Variants in SHPRH observed in about 807,000 individuals in gnomAD.
SHPRH encodes the protein E3 ubiquitin-protein ligase SHPRH.
SHPRH carries 106 observed loss-of-function variants against 202.5 expected under a neutral mutation model. The observed-to-expected ratio is 0.52, with a 90% confidence interval of 0.45 to 0.62. The LOEUF (loss-of-function observed/expected upper bound fraction) is 0.62, where lower values mean the gene tolerates loss of function less well. Among genes scored for constraint, SHPRH ranks in the 20% least tolerant of loss-of-function variants. SHPRH has a pLI of 0.00. For synonymous variants in SHPRH, 729 were observed against 686.0 expected, an observed-to-expected ratio of 1.06 and a Z score of -0.98; for missense variants, 1,710 against 2,020.0, an observed-to-expected ratio of 0.85 and a Z score of 2.94.
chr6:145,867,447 A>G lies in SHPRH; in HGVS notation c.222-2956T>C, dbSNP rs184979738. Among the ~76,000 whole-genome samples the G allele has an allele frequency of 3.5e-3, 535 of 151,464 alleles. 5 individuals are homozygous for G. Among genetic ancestry groups the G allele is most frequent in the African/African-American group, 0.012 (511 of 41,240 alleles). On this transcript the variant is annotated intron_variant, in intron 2 of 2. Transcript: ENST00000417762. ...AGATTATCCTGGATTAACCTGGTGGACCCTCCATGCAGTCACAGGTGTCAC... is the reference window on the plus strand; with the variant it reads ...AGATTATCCTGGATTAACCTGGTGGGCCCTCCATGCAGTCACAGGTGTCAC...
rs147357063 is a variant in SHPRH at position 145,886,549 on chromosome 6, G to A, written c.*142C>T. On this transcript the variant is annotated 3_prime_UTR_variant, in exon 30 of 30. Coordinates refer to ENST00000275233, the MANE Select transcript of SHPRH (RefSeq NM_001042683.3). Reference sequence around the variant, plus strand: ...AGGACTCAATAAGTACTAAGCCACTGTATAACCAGAACAATAAACAAATTC... The same window carrying A: ...AGGACTCAATAAGTACTAAGCCACTATATAACCAGAACAATAAACAAATTC... The A allele has an allele frequency of 4.2e-6, 6 of 1,443,652 alleles. No homozygotes were observed. The East Asian group carries it at 7.3e-5, about 17-fold the overall frequency. The allele number at this position is 1,443,652 out of a possible 1,614,324, so 89.4% of individuals were successfully genotyped here.
chr6:145,947,543 G>GA lies in SHPRH; in HGVS notation c.1161dup (p.Leu388SerfsTer45). 1 of 1,612,948 alleles carries GA rather than the reference G, an allele frequency of 6.2e-7. No individual in the cohort carries two copies. The highest frequency in any genetic ancestry group is 8.5e-7 in the Non-Finnish European group (1 of 1,179,316). On this transcript the variant is annotated frameshift_variant, in exon 6 of 30. Coordinates refer to ENST00000275233, the MANE Select transcript of SHPRH (RefSeq NM_001042683.3). LOFTEE classifies it high-confidence loss of function. ...TTGACATCTTGTCGAGTATGTGTCA[G>GA]AATCAGAGCCAAAACCTCCACTGTC... is the stretch of plus-strand genomic sequence containing the variant.
At chr6:145,924,150 T>C (rs1484600562) in intron 17 of SHPRH, among the ~76,000 whole-genome samples, 1 of 151,944 alleles carries the variant, frequency 6.6e-6, no homozygotes, top group Non-Finnish European at 1.5e-5. Context: ...AAAGCCTTCA[T>C]TCTAATCTTT....
At position 145,886,640 on chromosome 6, in the gene SHPRH, C is replaced by T. The variant is rs370550599; in HGVS notation, c.*51G>A. The stretch of plus-strand genomic sequence containing the variant: ...TAAAACTTGTAACTTTGCTCTACAG[C>T]TATGAAAGTTTATTAATACACTAAA... On this transcript the variant is annotated 3_prime_UTR_variant, in exon 30 of 30. Transcript: ENST00000275233. The T allele has an allele frequency of 6.3e-7, 1 of 1,599,390 alleles. No homozygotes were observed. Among genetic ancestry groups the T allele is most frequent in the Admixed American group, 1.8e-5 (1 of 56,894 alleles).
intron 11 of SHPRH, among the ~76,000 whole-genome samples, chr6:145,938,486 A>G (rs1014154301): frequency 4.6e-5 from 7 of 152,320 alleles, no homozygotes; most frequent in African/African-American, 1.4e-4. Context: ...ATAAATAATA[A>G]CAAATGAAAT....
intron 2 of SHPRH, among the ~76,000 whole-genome samples, chr6:145,868,155 T>C (rs184178709): frequency 1.3e-5 from 2 of 152,358 alleles, no homozygotes; most frequent in Admixed American, 1.3e-4. Flanking sequence ...GTTTTCCCTC[T>C]GTACCTGTCT....
At position 145,955,297 on chromosome 6, in the gene SHPRH, G is replaced by A; in HGVS notation, c.26C>T (p.Pro9Leu). The A allele has an allele frequency of 1.9e-6, 3 of 1,601,822 alleles. No individual in the cohort carries two copies. Among genetic ancestry groups the A allele is most frequent in the Non-Finnish European group, 2.6e-6 (3 of 1,174,606 alleles). MSSRRKRA[P>L]PVRVDEEKRQ... ...CTTTTCCTCATCTACCCTCACTGGA[G>A]GAGCACGTTTCCGTCGGCTGCTCAT... The change falls in exon 2 of 30, where the codon CCT becomes CTT. Residue 9 changes from proline (P) to leucine (L), a missense_variant. Coordinates refer to ENST00000275233, the MANE Select transcript of SHPRH (RefSeq NM_001042683.3).
intron 25 of SHPRH, among the ~76,000 whole-genome samples, chr6:145,899,011 A>G (rs1379435409): frequency 6.6e-6 from 1 of 151,950 alleles, no homozygotes; most frequent in Non-Finnish European, 1.5e-5. Flanking sequence ...ACAGAGTCTT[A>G]TTATGTTGCC....
downstream of SHPRH, among the ~76,000 whole-genome samples, chr6:145,860,447 T>G (rs537734711): frequency 7.9e-5 from 12 of 152,056 alleles, no homozygotes; most frequent in East Asian, 1.9e-3. Flanking sequence ...ACCAAGTAAG[T>G]GAAAGACTTG....
In SHPRH at chr6:145,886,601, A is replaced by AC; in HGVS notation, c.*89_*90insG. 1 of 1,556,758 alleles carries AC rather than the reference A, an allele frequency of 6.4e-7. No individual in the cohort carries two copies. Among genetic ancestry groups the AC allele is most frequent in the Non-Finnish European group, 8.7e-7 (1 of 1,152,536 alleles). ...TTCAACTAGGAACAGTGTTACTGTT[A>AC]TCTACTGGGTTTTTAAAACTTGTAA... On this transcript the variant is annotated 3_prime_UTR_variant, in exon 30 of 30. Transcript: ENST00000275233.
chr6:145,952,289 A>C (rs1788056886), intron 3 of SHPRH, 60 bp downstream of exon 3: 1 of 1,455,136 alleles, frequency 6.9e-7, no homozygotes, highest in African/African-American at 1.4e-5. Flanking sequence ...TCCAGGGGTT[A>C]GAGGAAAAAA....
rs1032227796 is a variant in SHPRH, at chr6:145,921,150, G to C, written c.4008+17C>G. 6.3e-7 allele frequency: 1 copy of C among 1,589,712 alleles called. No individual in the cohort carries two copies. Among genetic ancestry groups the C allele is most frequent in the Non-Finnish European group, 8.6e-7 (1 of 1,164,850 alleles). ...GAAGAATTTTTAATTTTGGAAGGAA[G>C]TTTTAAAATACTATACCTTATATTC... On this transcript the variant is annotated intron_variant, in intron 21 of 29. Transcript: ENST00000275233.
At chr6:145,940,665 C>T in intron 11 of SHPRH, 58 bp downstream of exon 11, 1 of 1,544,262 alleles carries the variant, frequency 6.5e-7, no homozygotes, top group African/African-American at 1.4e-5. Context: ...CAATACTTTT[C>T]TCTCTAAAAA....
intron 28 of SHPRH, among the ~76,000 whole-genome samples, chr6:145,889,713 T>C (rs893401941): frequency 6.6e-6 from 1 of 152,086 alleles, no homozygotes; most frequent in East Asian, 1.9e-4. Context: ...TTCTAAAATC[T>C]GAAAAAATCC....
At chr6:145,863,197 T>C (rs2128682852), downstream of SHPRH, among the ~76,000 whole-genome samples, 1 of 152,270 alleles carries the variant, frequency 6.6e-6, no homozygotes, top group East Asian at 1.9e-4. Flanking sequence ...GTACCCCAAG[T>C]ATGAATGAAG....
intron 28 of SHPRH, among the ~76,000 whole-genome samples, chr6:145,891,177 G>C (rs1583307627): frequency 6.6e-6 from 1 of 152,122 alleles, no homozygotes; most frequent in Non-Finnish European, 1.5e-5. Flanking sequence ...TGGGCCCAAT[G>C]TAATCCCTCT....
chr6:145,928,003 A>T (rs1020298692), intron 14 of SHPRH, among the ~76,000 whole-genome samples: 2 of 152,024 alleles, frequency 1.3e-5, no homozygotes, highest in Admixed American at 6.6e-5. Flanking sequence ...TGTTGGGCAC[A>T]TCAGCTTAGA....
In SHPRH at chr6:145,888,136, T is replaced by C. The variant is rs562702646; in HGVS notation, c.4875-36A>G. 1.3e-5 allele frequency: 20 copies of C among 1,481,844 alleles called. No homozygotes were observed. In the Middle Eastern group the frequency reaches 5.3e-4, roughly 39 times the overall value. 91.8% of individuals were successfully genotyped at this position (1,481,844 alleles called of 1,614,324 possible). On this transcript the variant is annotated intron_variant, in intron 28 of 29. Coordinates refer to ENST00000275233, the MANE Select transcript of SHPRH (RefSeq NM_001042683.3). ...CAGAAGAATTTTAAGCTTAAAAACA[T>C]AGTAAAACAAATCAGTACAAACCGA...
chr6:145,872,744 T>C (rs1171107182), intron 2 of SHPRH, among the ~76,000 whole-genome samples: 1 of 152,204 alleles, frequency 6.6e-6, no homozygotes, highest in Non-Finnish European at 1.5e-5. Flanking sequence ...CACATATATG[T>C]TTATTGCAGC....
Sources: allele counts gnomAD v4.1 joint callset (sites outside exome capture counted in the v4.1 genomes callset), GRCh38; gene constraint gnomAD v4.1.1; transcripts MANE v1.5; gene names NCBI Gene and HGNC (gene_info 2026-07-23, HGNC 2026-07-21).